OR9Q1: variants seen among roughly 807,000 people sequenced by gnomAD.
OR9Q1 encodes olfactory receptor family 9 subfamily Q member 1, also known as olfactory receptor 9Q1.
For synonymous variants in OR9Q1, 153 were observed against 148.6 expected (o/e 1.03, Z -0.22); for missense variants, 374 against 378.8 (o/e 0.99, Z 0.11).
chr11:58,160,366 T>C (rs1854445625), intron 2 of OR9Q1, among the ~76,000 whole-genome samples: 1 of 152,212 alleles, frequency 6.6e-6, no homozygotes, highest in African/African-American at 2.4e-5. Flanking sequence ...AACTACAGAT[T>C]GAATGTGGGC....
chr11:58,144,470 C>T (rs1396063702), intron 2 of OR9Q1: 1 of 151,890 alleles, frequency 6.6e-6, no homozygotes, highest in Non-Finnish European at 1.5e-5. Flanking sequence ...CAGTGGATAA[C>T]GTTGGCTTCA....
chr11:58,081,441 A>G (rs1364897499), intron 2 of OR9Q1, among the ~76,000 whole-genome samples: 1 of 152,168 alleles, frequency 6.6e-6, no homozygotes, highest in African/African-American at 2.4e-5. Context: ...CCAGCAGTGT[A>G]AAAGTGTTCC....
intron 2 of OR9Q1, among the ~76,000 whole-genome samples, chr11:58,164,161 G>A (rs962711223): frequency 6.6e-6 from 1 of 152,112 alleles, no homozygotes; most frequent in Admixed American, 6.5e-5. Context: ...GGGTTGGGGG[G>A]ATGCGCATGT....
chr11:58,106,068 T>G (rs1156233794), intron 2 of OR9Q1, among the ~76,000 whole-genome samples: 4 of 152,118 alleles, frequency 2.6e-5, no homozygotes, highest in African/African-American at 9.7e-5. Flanking sequence ...GCTGTACCAT[T>G]TAACATCCCC....
At chr11:58,046,012 A>C (rs759065455) in intron 1 of OR9Q1, among the ~76,000 whole-genome samples, 1 of 152,126 alleles carries the variant, frequency 6.6e-6, no homozygotes, top group Non-Finnish European at 1.5e-5. Context: ...GTCCCATGAG[A>C]GGCAAAATCA....
intron 2 of OR9Q1, among the ~76,000 whole-genome samples, chr11:58,136,888 C>G (rs1199446842): frequency 6.6e-6 from 1 of 152,178 alleles, no homozygotes; most frequent in Non-Finnish European, 1.5e-5. Context: ...ACTTCAGGAG[C>G]TGGCTGTAGT....
intron 2 of OR9Q1, among the ~76,000 whole-genome samples, chr11:58,132,756 G>A (rs1199412544): frequency 6.6e-6 from 1 of 152,200 alleles, no homozygotes; most frequent in Non-Finnish European, 1.5e-5. Context: ...TGAAGGTTGA[G>A]TGAGGAGAGA....
chr11:58,070,286 G>C (rs2120017367), intron 2 of OR9Q1, among the ~76,000 whole-genome samples: 1 of 152,010 alleles, frequency 6.6e-6, no homozygotes, highest in East Asian at 1.9e-4. Flanking sequence ...AAAGTGCTGG[G>C]ATTACAGGTG....
intron 2 of OR9Q1, among the ~76,000 whole-genome samples, chr11:58,124,954 C>G (rs1249729549): frequency 6.6e-6 from 1 of 152,082 alleles, no homozygotes; most frequent in Non-Finnish European, 1.5e-5. Context: ...GAGACTAGGA[C>G]TCGGAATAGT....
intron 2 of OR9Q1, among the ~76,000 whole-genome samples, chr11:58,087,820 GT>G (rs1331346442): frequency 6.6e-6 from 1 of 151,724 alleles, no homozygotes; most frequent in Non-Finnish European, 1.5e-5. Flanking sequence ...GTGTTGTTTG[GT>G]TTTCTGTTCC....
chr11:58,090,919 T>C (rs1376244836), intron 2 of OR9Q1, among the ~76,000 whole-genome samples: 1 of 152,218 alleles, frequency 6.6e-6, no homozygotes, highest in Admixed American at 6.5e-5. Context: ...GATTTTCTAG[T>C]TTATTTGCAT....
At chr11:58,160,796 C>T (rs996545595) in intron 2 of OR9Q1, among the ~76,000 whole-genome samples, 1 of 152,134 alleles carries the variant, frequency 6.6e-6, no homozygotes, top group Non-Finnish European at 1.5e-5. Context: ...CTTGGTATCA[C>T]TGAAATGTAG....
intron 2 of OR9Q1, among the ~76,000 whole-genome samples, chr11:58,143,362 C>T (rs1303591115): frequency 6.6e-6 from 1 of 152,258 alleles, no homozygotes; most frequent in Non-Finnish European, 1.5e-5. Context: ...TATTTCAAAG[C>T]CCATGTCTTT....
At chr11:58,053,992 C>T (rs1005799823) in intron 1 of OR9Q1, among the ~76,000 whole-genome samples, 1 of 152,124 alleles carries the variant, frequency 6.6e-6, no homozygotes, top group African/African-American at 2.4e-5. Context: ...TTTCCCCTCA[C>T]CCTCCCACAC....
At chr11:58,108,856 T>G in intron 2 of OR9Q1, 1 of 354,894 alleles carries the variant, frequency 2.8e-6, no homozygotes, top group Non-Finnish European at 5.6e-6. Flanking sequence ...CTTGTCTTCC[T>G]CTGAGGATTT....
intron 2 of OR9Q1, among the ~76,000 whole-genome samples, chr11:58,164,967 T>C (rs1204457517): frequency 6.6e-6 from 1 of 152,218 alleles, no homozygotes; most frequent in Non-Finnish European, 1.5e-5. Flanking sequence ...TGCTCACTTA[T>C]TACCTTTTAA....
At chr11:58,028,866 A>G (rs576459755) in intron 1 of OR9Q1, among the ~76,000 whole-genome samples, 1 of 152,358 alleles carries the variant, frequency 6.6e-6, no homozygotes, top group East Asian at 1.9e-4. Flanking sequence ...TTTCATTGCC[A>G]GGAATTCTGA....
At chr11:58,033,775 AT>A (rs1160185167) in intron 1 of OR9Q1, among the ~76,000 whole-genome samples, 1 of 152,208 alleles carries the variant, frequency 6.6e-6, no homozygotes, top group Non-Finnish European at 1.5e-5. Flanking sequence ...AATTAAAAAA[AT>A]AAAAGGACAG....
At chr11:58,151,861 G>T (rs541423502) in intron 2 of OR9Q1, among the ~76,000 whole-genome samples, 2 of 152,016 alleles carry the variant, frequency 1.3e-5, no homozygotes, top group African/African-American at 2.4e-5. Flanking sequence ...CTCTCCAGTT[G>T]CTCTGGGTAC....
Sources: allele counts gnomAD v4.1 joint callset (sites outside exome capture counted in the v4.1 genomes callset), GRCh38; gene constraint gnomAD v4.1.1; transcripts MANE v1.5; gene names NCBI Gene and HGNC (gene_info 2026-07-23, HGNC 2026-07-21).